Variants in NSD1 observed in about 807,000 individuals in gnomAD.
The protein encoded by NSD1 is nuclear receptor binding SET domain protein 1.
Under a neutral mutation model 242.7 loss-of-function variants are expected in NSD1, and 26 were observed. The observed-to-expected ratio is 0.11, with a 90% CI of 0.08 to 0.15. The LOEUF is 0.15. Ranked by LOEUF, NSD1 falls within the 10% of genes least tolerant of loss-of-function variation. The probability of loss-of-function intolerance (pLI) is 1.00; values close to 1 mark genes in which losing one functional copy is unlikely to be tolerated. For synonymous variants in NSD1, 1,106 were observed against 1,178.1 expected (o/e 0.94, Z 1.25); for missense variants, 2,495 against 3,272.8 (o/e 0.76, Z 5.80).
intron 2 of NSD1, among the ~76,000 whole-genome samples, chr5:177,156,607 G>A (rs1239314018): frequency 2.0e-5 from 3 of 152,146 alleles, no homozygotes; most frequent in Non-Finnish European, 2.9e-5. Flanking sequence ...CTTGAGCCCA[G>A]GAGTTCAAGA....
At chr5:177,145,908 CAA>C (rs35091295) in intron 2 of NSD1, among the ~76,000 whole-genome samples, 13 of 119,758 alleles carry the variant, frequency 1.1e-4, no homozygotes, top group Non-Finnish European at 1.4e-4. Flanking sequence ...AACTCCATCT[CAA>C]AAAAAAAAAA....
At chr5:177,187,266 G>A (rs1459690452) in intron 2 of NSD1, among the ~76,000 whole-genome samples, 3 of 151,668 alleles carry the variant, frequency 2.0e-5, no homozygotes, top group South Asian at 2.1e-4. Flanking sequence ...CACCATGCTC[G>A]GCTAATCTTT....
Position 177,295,491 on chromosome 5 carries a change from GC to G in NSD1, c.*37del. ...TCAATGTCACATGAACAAACAAGCT[GC>G]CCCCAGGGTACCATTTGGGGAGGGG... On this transcript the variant is annotated 3_prime_UTR_variant, in exon 23 of 23. Transcript: ENST00000439151. The surrounding 1 kb of genome is among the most constrained non-coding windows in gnomAD (Gnocchi z 4.3). 1.2e-6 allele frequency: 2 copies of G among 1,607,890 alleles called. No homozygotes were observed. The highest frequency in any genetic ancestry group is 1.7e-6 in the Non-Finnish European group (2 of 1,175,636).
Position 177,299,435 on chromosome 5 carries a change from C to G in NSD1, c.*3976C>G. On this transcript the variant is annotated 3_prime_UTR_variant, in exon 23 of 23. Coordinates refer to ENST00000439151, the MANE Select transcript of NSD1 (RefSeq NM_022455.5). ...AAGGTGGCCATTGAGTTTCTCAGGG[C>G]TGGGGCCACCTTGTCCATAGCCTCC... is the stretch of plus-strand genomic sequence containing the variant. 4.3e-6 allele frequency: 1 copy of G among 233,212 alleles called. No homozygotes were observed. The highest frequency in any genetic ancestry group is 8.5e-6 in the Non-Finnish European group (1 of 118,030). 14.4% of individuals were successfully genotyped at this position (233,212 alleles called of 1,614,324 possible).
In NSD1 at chr5:177,224,806, T is replaced by A. The variant is rs145772646; in HGVS notation, c.3797-11015T>A. 7.8e-3 allele frequency among the ~76,000 whole-genome samples: 1,192 copies of A among 152,006 alleles called. 18 individuals carry two copies. The highest frequency in any genetic ancestry group is 0.024 in the African/African-American group (1,005 of 41,424). ...ATTGAGTCTTTTTCATTAACTATGA[T>A]GTCAGCTGTGGTTTTGTTATATTAC... On this transcript the variant is annotated intron_variant, in intron 5 of 22. Coordinates refer to ENST00000439151, the MANE Select transcript of NSD1 (RefSeq NM_022455.5).
At chr5:177,276,175 C>T (rs1194270235) in intron 17 of NSD1, among the ~76,000 whole-genome samples, 1 of 151,876 alleles carries the variant, frequency 6.6e-6, no homozygotes, top group African/African-American at 2.4e-5. Flanking sequence ...AAGCAATCCA[C>T]CCACCTCAAC....
chr5:177,195,796 A>G (rs1162138999), intron 3 of NSD1, among the ~76,000 whole-genome samples: 1 of 152,120 alleles, frequency 6.6e-6, no homozygotes, highest in Non-Finnish European at 1.5e-5. Flanking sequence ...TATGCATACT[A>G]GTTGAGTCCA....
chr5:177,281,767 CTCA>C, intron 18 of NSD1, among the ~76,000 whole-genome samples: 1 of 152,196 alleles, frequency 6.6e-6, no homozygotes, highest in African/African-American at 2.4e-5. Flanking sequence ...ATCCTCCCAT[CTCA>C]GCCTCCTGAG....
intron 2 of NSD1, among the ~76,000 whole-genome samples, chr5:177,172,961 C>CAAAAAA (rs1157349270): frequency 1.5e-5 from 1 of 66,016 alleles, no homozygotes; most frequent in Non-Finnish European, 3.1e-5. Context: ...GACCCTGTCT[C>CAAAAAA]AAAAAAAAAA....
chr5:177,231,765 A>G (rs1765076101), intron 5 of NSD1, among the ~76,000 whole-genome samples: 2 of 152,060 alleles, frequency 1.3e-5, no homozygotes, highest in African/African-American at 2.4e-5. Context: ...TCCATTTTTA[A>G]TCTTTCAATT....
intron 5 of NSD1, among the ~76,000 whole-genome samples, chr5:177,222,831 T>C (rs1764343939): frequency 6.6e-6 from 1 of 152,174 alleles, no homozygotes. Flanking sequence ...TTGGGTTGTC[T>C]TTTTATTAGT....
intron 2 of NSD1, among the ~76,000 whole-genome samples, chr5:177,161,343 C>T (rs959338142): frequency 3.3e-5 from 5 of 151,810 alleles, no homozygotes; most frequent in African/African-American, 1.2e-4. Flanking sequence ...ATTATGCACT[C>T]CAGCCTGGGT....
chr5:177,196,013 G>A (rs949348563), intron 3 of NSD1, among the ~76,000 whole-genome samples: 1 of 152,138 alleles, frequency 6.6e-6, no homozygotes, highest in African/African-American at 2.4e-5. Context: ...TGCCTATTCA[G>A]TGATATAACA....
At chr5:177,185,489 T>A (rs1222265083) in intron 2 of NSD1, among the ~76,000 whole-genome samples, 1 of 150,514 alleles carries the variant, frequency 6.6e-6, no homozygotes, top group South Asian at 2.1e-4. Flanking sequence ...TCCCAGCTAC[T>A]CGGGAGGCTG....
At position 177,244,264 on chromosome 5, in the gene NSD1, G is replaced by A. The variant is rs1300174639; in HGVS notation, c.4372G>A (p.Gly1458Ser). ...TGCCACATCTTATTCAAAAGATTTT[G>A]GTGGAGGTGAGTATTTTTGAGATTT... ...SCATSYSKDF[G>S]GGTTKIFDKP... The change falls in exon 9 of 23, where the codon GGT becomes AGT. Residue 1458 changes from glycine (G) to serine (S), a missense_variant. Around this residue, in one of 19 missense-constraint regions of NSD1, gnomAD observed 97 missense variants for 97.7 expected, o/e 0.99. Transcript: ENST00000439151. 1 of 1,611,986 alleles carries A rather than the reference G, an allele frequency of 6.2e-7. No homozygotes were observed. Among genetic ancestry groups the A allele is most frequent in the Non-Finnish European group, 8.5e-7 (1 of 1,178,194 alleles).
intron 20 of NSD1, among the ~76,000 whole-genome samples, chr5:177,287,680 C>A (rs1181210941): frequency 1.3e-5 from 2 of 151,980 alleles, no homozygotes; most frequent in Non-Finnish European, 2.9e-5. Flanking sequence ...GTGAATAGAA[C>A]CACGAAAGAT....
intron 2 of NSD1, among the ~76,000 whole-genome samples, chr5:177,155,682 T>C (rs1758071303): frequency 6.8e-6 from 1 of 148,002 alleles, no homozygotes; most frequent in African/African-American, 2.7e-5. Flanking sequence ...TTTATTCTTA[T>C]TTATTTATTT....
In NSD1 at chr5:177,288,873, T is replaced by C. The variant is rs753439370; in HGVS notation, c.6206T>C (p.Val2069Ala). 1 of 1,614,168 alleles carries C rather than the reference T, an allele frequency of 6.2e-7. No individual in the cohort carries two copies. The highest frequency in any genetic ancestry group is 8.5e-7 in the Non-Finnish European group (1 of 1,180,014). ...GAATGTCTTGGGAATGGAAAGACTG[T>C]TTGCAAATGTGGAGCCCCGAACTGC... ...NLECLGNGKTVCKCGAPNCSG... is the reference protein window; with the variant it reads ...NLECLGNGKTACKCGAPNCSG... Residue 2069 changes from valine (V) to alanine (A), a missense_variant, in exon 21 of 23, where the codon GTT (valine) becomes GCT (alanine). This residue lies in a region of NSD1 where 26 missense variants were observed against 119.1 expected (regional missense o/e 0.22). Coordinates refer to ENST00000439151, the MANE Select transcript of NSD1 (RefSeq NM_022455.5).
At chr5:177,277,587 T>C (rs1337487070) in intron 17 of NSD1, among the ~76,000 whole-genome samples, 1 of 152,220 alleles carries the variant, frequency 6.6e-6, no homozygotes, top group Non-Finnish European at 1.5e-5. Context: ...TGGTTTACGA[T>C]GTGATAAGTA....
Sources: gnomAD v4.1 joint callset for allele counts (sites outside exome capture counted in the v4.1 genomes callset) on GRCh38, gnomAD v4.1.1 for gene constraint, gnomAD v4.1.1 regional missense constraint, Gnocchi (gnomAD v3.1) non-coding constraint, MANE v1.5 for transcripts, NCBI Gene and HGNC (gene_info 2026-07-23, HGNC 2026-07-21) for gene names.